SLC12A7: variants seen among roughly 807,000 people sequenced by gnomAD.
SLC12A7 encodes the protein K-Cl cotransporter 4.
A neutral mutation model predicts 120.6 loss-of-function variants in SLC12A7; 100 were observed. That is an observed-to-expected ratio of 0.83 (90% CI 0.71 to 0.98). SLC12A7 has a LOEUF of 0.98. Ranked by LOEUF, SLC12A7 falls within the 50% of genes least tolerant of loss-of-function variation. SLC12A7 has a pLI of 0.00. For synonymous variants in SLC12A7, 760 were observed against 678.0 expected (o/e 1.12, Z -1.88); for missense variants, 1,373 against 1,548.1 (o/e 0.89, Z 1.90).
chr5:1,114,509 T>C (rs1296655834), upstream of SLC12A7, among the ~76,000 whole-genome samples: 1 of 152,122 alleles, frequency 6.6e-6, no homozygotes, highest in African/African-American at 2.4e-5. Flanking sequence ...TGTCCACGTA[T>C]ATCCTCCCAC....
the SLC12A7 span, among the ~76,000 whole-genome samples, chr5:1,127,935 C>A: frequency 3.4e-4 from 52 of 152,324 alleles, no homozygotes; most frequent in African/African-American, 1.1e-3. Flanking sequence ...AGGAGATGCC[C>A]ACACCCCAGG....
At chr5:1,096,713 G>GA (rs1425114804) in intron 1 of SLC12A7, among the ~76,000 whole-genome samples, 2 of 58,398 alleles carry the variant, frequency 3.4e-5, no homozygotes, top group Admixed American at 3.0e-4. Context: ...AGGAAGGAGG[G>GA]AGGAAGGAAA....
the SLC12A7 span, among the ~76,000 whole-genome samples, chr5:1,155,438 C>A: frequency 6.9e-6 from 1 of 144,362 alleles, no homozygotes; most frequent in Non-Finnish European, 1.5e-5. Context: ...ATCCCCGCGG[C>A]CCCTGCCCCG....
At position 1,079,384 on chromosome 5, in the gene SLC12A7, C is replaced by G. The variant is rs532422967; in HGVS notation, c.1396+14G>C. The stretch of plus-strand genomic sequence containing the variant: ...CAGAGGCTGGAACCCTCGCCTGCAC[C>G]CCTCCAAGGATACAGATGAAAGACG... On this transcript the variant is annotated intron_variant, in intron 10 of 23. Coordinates refer to ENST00000264930, the MANE Select transcript of SLC12A7 (RefSeq NM_006598.3). 3.1e-6 allele frequency: 5 copies of G among 1,604,570 alleles called. No homozygotes were observed. The highest frequency in any genetic ancestry group is 1.7e-4 in the Middle Eastern group (1 of 6,034).
At chr5:1,148,969 T>G in the SLC12A7 span, among the ~76,000 whole-genome samples, 3 of 152,206 alleles carry the variant, frequency 2.0e-5, no homozygotes, top group South Asian at 6.2e-4. Flanking sequence ...CCATAATTTT[T>G]GTTTAAAAGT....
At chr5:1,076,096 C>T in intron 14 of SLC12A7, 42 bp downstream of exon 14, 1 of 1,538,730 alleles carries the variant, frequency 6.5e-7, no homozygotes, top group Non-Finnish European at 8.9e-7. Flanking sequence ...ACCCAGTGTC[C>T]CAGCCTGTGG....
intron 2 of SLC12A7, 87 bp downstream of exon 2, chr5:1,094,067 C>A: frequency 9.6e-7 from 1 of 1,041,476 alleles, no homozygotes; most frequent in South Asian, 1.3e-5. Context: ...GTGGGAGGCC[C>A]CGGCCTGGGG....
the SLC12A7 span, among the ~76,000 whole-genome samples, chr5:1,132,077 A>G: frequency 6.6e-6 from 1 of 152,208 alleles, no homozygotes; most frequent in Non-Finnish European, 1.5e-5. Context: ...CCTTATTAAT[A>G]AAACAAGTTG....
chr5:1,052,391 C>T lies in SLC12A7; in HGVS notation c.3221G>A (p.Gly1074Asp). The change falls in exon 24 of 24, where the codon GGC becomes GAC. Residue 1074 changes from glycine to aspartate, a missense_variant. Coordinates refer to ENST00000264930, the MANE Select transcript of SLC12A7 (RefSeq NM_006598.3). ...GTAGATGGTGATCACCTCCCGGCCG[C>T]CACCCCTGACCAGGAGGACTCTGTT... ...GLNRVLLVRG[G>D]GREVITIYS The T allele has an allele frequency of 3.1e-6, 5 of 1,612,868 alleles. No homozygotes were observed. The highest frequency in any genetic ancestry group is 4.2e-6 in the Non-Finnish European group (5 of 1,179,976).
At position 1,100,404 on chromosome 5, in the gene SLC12A7, C is replaced by T. The variant is rs1252128698; in HGVS notation, c.125-6156G>A. Among the ~76,000 whole-genome samples, 3 of 152,258 alleles carry T rather than the reference C, an allele frequency of 2.0e-5. No individual in the cohort carries two copies. In the East Asian group the frequency reaches 5.8e-4, roughly 29 times the overall value. ...CAGCCGCCTGTCATCTATCTTTCCA[C>T]AGCCTTTCAAAGGCTCGATGGTCTC... On this transcript the variant is annotated intron_variant, in intron 1 of 23. Coordinates refer to ENST00000264930, the MANE Select transcript of SLC12A7 (RefSeq NM_006598.3).
chr5:1,091,144 G>C (rs1740453373), intron 3 of SLC12A7, among the ~76,000 whole-genome samples: 1 of 152,260 alleles, frequency 6.6e-6, no homozygotes, highest in South Asian at 2.1e-4. Context: ...TTGTCCCTGA[G>C]GGACAGAGGC....
chr5:1,075,508 G>A lies in SLC12A7; in HGVS notation c.1848-18C>T, dbSNP rs375264341. 6.2e-7 allele frequency: 1 copy of A among 1,604,690 alleles called. No individual in the cohort carries two copies. Among genetic ancestry groups the A allele is most frequent in the South Asian group, 1.1e-5 (1 of 90,550 alleles). Reference sequence around the variant, plus strand: ...ACAGGGTCCTGGGGGCGGGGCAAGTGGCTCGGGGCGGCCCAACGCCATGCA... The same window carrying A: ...ACAGGGTCCTGGGGGCGGGGCAAGTAGCTCGGGGCGGCCCAACGCCATGCA... On this transcript the variant is annotated intron_variant, in intron 14 of 23. Transcript: ENST00000264930.
chr5:1,064,141 C>T lies in SLC12A7; in HGVS notation c.2549G>A (p.Trp850Ter), dbSNP rs1388323679. The change falls in exon 19 of 24, where the codon TGG becomes TAG. Residue 850 changes from tryptophan to a stop codon, truncating the protein, a stop_gained. Coordinates refer to ENST00000264930, the MANE Select transcript of SLC12A7 (RefSeq NM_006598.3). LOFTEE classifies it high-confidence loss of function. ...GAGCATGCCGCCGTCGTGCACGATC[C>T]ACCACACGTCGATGTGGCCCCCGCC... ...RFGGGHIDVW[W>*]IVHDGGMLML... 1.2e-6 allele frequency: 2 copies of T among 1,612,010 alleles called. No individual in the cohort carries two copies. Among genetic ancestry groups the T allele is most frequent in the East Asian group, 2.2e-5 (1 of 44,822 alleles).
the SLC12A7 span, among the ~76,000 whole-genome samples, chr5:1,151,025 G>A: frequency 5.3e-5 from 8 of 152,360 alleles, no homozygotes; most frequent in African/African-American, 1.9e-4. This position sits in a 1 kb window ranked among gnomAD's most constrained non-coding sequence, Gnocchi z 6.2. Flanking sequence ...GTGGTCCACG[G>A]ATGGGGAGGG....
chr5:1,091,410 G>A (rs574656207), intron 3 of SLC12A7, among the ~76,000 whole-genome samples: 3 of 152,322 alleles, frequency 2.0e-5, no homozygotes, highest in Non-Finnish European at 2.9e-5. Context: ...GAGCCCAGCC[G>A]AGCTGGAGCT....
chr5:1,073,557 G>A (rs1422242611), intron 17 of SLC12A7, 76 bp downstream of exon 17: 1 of 1,472,160 alleles, frequency 6.8e-7, no homozygotes, highest in South Asian at 1.2e-5. Flanking sequence ...ACGCTGCGAT[G>A]AGGACATGCC....
rs756576351 is a variant in SLC12A7 at position 1,064,299 on chromosome 5, G to A, written c.2438-47C>T. ...CGCAGGTCATCTGAGGCCAGGGTGC[G>A]GAAGGGGCCTCCCCGGGGACTCACA... On this transcript the variant is annotated intron_variant, in intron 18 of 23. Coordinates refer to ENST00000264930, the MANE Select transcript of SLC12A7 (RefSeq NM_006598.3). 167 of 1,572,876 alleles carry A rather than the reference G, an allele frequency of 1.1e-4. No individual in the cohort carries two copies. In the East Asian group the frequency reaches 2.1e-3, roughly 20 times the overall value.
intron 17 of SLC12A7, among the ~76,000 whole-genome samples, chr5:1,070,012 GCACACGGGCA>G: frequency 1.9e-5 from 1 of 53,070 alleles, no homozygotes; most frequent in Non-Finnish European, 5.9e-5. Flanking sequence ...TGAGCCCCCA[GCACACGGGCA>G]TCACACTTAT....
chr5:1,112,924 C>T (rs79199869), upstream of SLC12A7, among the ~76,000 whole-genome samples: 9 of 148,938 alleles, frequency 6.0e-5, no homozygotes, highest in East Asian at 1.7e-3. Context: ...GTCTCCTCCA[C>T]ACCTGCCCCA....
Sources: allele counts gnomAD v4.1 joint callset (sites outside exome capture counted in the v4.1 genomes callset), GRCh38; gene constraint gnomAD v4.1.1; non-coding constraint Gnocchi (gnomAD v3.1); transcripts MANE v1.5; gene names NCBI Gene and HGNC (gene_info 2026-07-23, HGNC 2026-07-21).